The following MAP2 variants were observed in gnomAD, a reference collection of about 807,000 sequenced individuals.
MAP2 encodes the protein microtubule-associated protein 2.
Under a neutral mutation model 137.6 loss-of-function variants are expected in MAP2, and 14 were observed. The observed-to-expected ratio is 0.10, with a 90% confidence interval of 0.07 to 0.16. MAP2 has a LOEUF of 0.16. MAP2 is among the 10% of genes least tolerant of loss of function. The pLI, the probability that MAP2 is intolerant of heterozygous loss-of-function variation, is 1.00. For missense variants in MAP2, 2,088 were observed against 2,191.5 expected, an observed-to-expected ratio of 0.95 and a Z score of 0.94; for synonymous variants, 786 against 782.3, an observed-to-expected ratio of 1.00 and a Z score of -0.08.
chr2:209,584,481 A>G (rs910250727), intron 3 of MAP2, among the ~76,000 whole-genome samples: 3 of 152,140 alleles, frequency 2.0e-5, no homozygotes, highest in African/African-American at 7.2e-5. Flanking sequence ...AAATTAGAAA[A>G]TTTCATTCAG....
intron 1 of MAP2, among the ~76,000 whole-genome samples, chr2:209,444,210 A>G (rs1698496155): frequency 1.3e-5 from 2 of 151,538 alleles, no homozygotes; most frequent in Admixed American, 1.3e-4. Context: ...TCTCAAGTTA[A>G]TGCAGGAAAT....
At chr2:209,505,761 C>T (rs1302790314) in intron 1 of MAP2, among the ~76,000 whole-genome samples, 1 of 151,962 alleles carries the variant, frequency 6.6e-6, no homozygotes, top group African/African-American at 2.4e-5. Flanking sequence ...TGCTTGAGTT[C>T]AGGAGTTTGA....
intron 3 of MAP2, among the ~76,000 whole-genome samples, chr2:209,609,783 T>TTA (rs1340220703): frequency 1.3e-5 from 2 of 152,222 alleles, no homozygotes; most frequent in African/African-American, 4.8e-5. Context: ...CTGTGGTTAT[T>TTA]TAGTCCAGTA....
In MAP2 at chr2:209,729,980, G is replaced by A. The variant is rs1315795760; in HGVS notation, c.5268+18G>A. 2.0e-6 allele frequency: 3 copies of A among 1,490,588 alleles called. No homozygotes were observed. The highest frequency in any genetic ancestry group is 4.7e-5 in the East Asian group (2 of 42,944). The allele number at this position is 1,490,588 out of a possible 1,614,324, so 92.3% of individuals were successfully genotyped here. On this transcript the variant is annotated intron_variant, in intron 15 of 15. Transcript: ENST00000682079. ...ATGTCAAGGTAAGAAACAAGGTTAT[G>A]AGCCAATCTTGTCTTTTTAAAAAAA...
In MAP2 at chr2:209,517,620, C is replaced by T. The variant is rs556805148; in HGVS notation, c.-172+9979C>T. On this transcript the variant is annotated intron_variant, in intron 2 of 15. Transcript: ENST00000682079. ...GCCCACATTATTGTAGTTTTTGATACGTATCTCTTTATTTCATCATTTTGA... is the reference window on the plus strand; with the variant it reads ...GCCCACATTATTGTAGTTTTTGATATGTATCTCTTTATTTCATCATTTTGA... Among the ~76,000 whole-genome samples the T allele has an allele frequency of 5.1e-4, 77 of 151,970 alleles. 4 individuals are homozygous for T. The South Asian group carries it at 0.015, about 30-fold the overall frequency.
At chr2:209,684,803 GC>G (rs2056357452) in intron 7 of MAP2, 1 of 152,124 alleles carries the variant, frequency 6.6e-6, no homozygotes, top group East Asian at 1.9e-4. Context: ...CCAGAAGCAT[GC>G]CCACTTCTAG....
chr2:209,705,972 C>T (rs1024156626), intron 12 of MAP2, among the ~76,000 whole-genome samples: 7 of 152,016 alleles, frequency 4.6e-5, no homozygotes, highest in Non-Finnish European at 1.0e-4. Context: ...AGTTATTTCT[C>T]TAAGAATATA....
chr2:209,729,993 C>CTT (rs11389149), intron 15 of MAP2, 31 bp downstream of exon 15: 5 of 1,431,562 alleles, frequency 3.5e-6, no homozygotes, highest in Admixed American at 1.8e-5. Context: ...CCAATCTTGT[C>CTT]TTTTTAAAAA....
chr2:209,657,042 T>C (rs2041276059), intron 5 of MAP2, among the ~76,000 whole-genome samples: 1 of 152,228 alleles, frequency 6.6e-6, no homozygotes, highest in Admixed American at 6.5e-5. Flanking sequence ...GATTTTCTCT[T>C]TCTGAGTTAT....
rs764202864 is a variant in MAP2, at chr2:209,694,565, G to T, written c.2395G>T (p.Gly799Cys). ...CCTAGCCAAAGATTTTTACAAAAAT[G>T]GTACTGTCATGGCACCTGACCTTCC... ...PFLAKDFYKNGTVMAPDLPEM... is the reference protein window; with the variant it reads ...PFLAKDFYKNCTVMAPDLPEM... The change falls in exon 8 of 16, where the codon GGT (glycine) becomes TGT (cysteine). Residue 799 changes from glycine to cysteine, a missense_variant. Coordinates refer to ENST00000682079, the MANE Select transcript of MAP2 (RefSeq NM_001375505.1). The T allele has an allele frequency of 6.2e-7, 1 of 1,613,974 alleles. No homozygotes were observed. Among genetic ancestry groups the T allele is most frequent in the Non-Finnish European group, 8.5e-7 (1 of 1,179,932 alleles).
intron 3 of MAP2, among the ~76,000 whole-genome samples, chr2:209,621,149 C>A (rs372083516): frequency 1.3e-5 from 2 of 149,964 alleles, no homozygotes; most frequent in South Asian, 4.4e-4. Context: ...GAGCCGAGAT[C>A]ACGCCATTGC....
chr2:209,566,726 T>C (rs889990812), intron 2 of MAP2, among the ~76,000 whole-genome samples: 4 of 152,210 alleles, frequency 2.6e-5, no homozygotes, highest in Admixed American at 2.6e-4. Context: ...TTTGTTGTTG[T>C]TGTTGTTCTT....
At chr2:209,627,703 G>T (rs1490062391) in intron 4 of MAP2, among the ~76,000 whole-genome samples, 2 of 152,118 alleles carry the variant, frequency 1.3e-5, no homozygotes, top group Non-Finnish European at 2.9e-5. Flanking sequence ...TTTTATGTGA[G>T]TTGAGGTCCA....
chr2:209,468,212 G>A (rs944109380), intron 1 of MAP2, among the ~76,000 whole-genome samples: 2 of 151,098 alleles, frequency 1.3e-5, no homozygotes, highest in African/African-American at 2.4e-5. Flanking sequence ...TAAAATTTGG[G>A]CCAGTTTTAT....
chr2:209,658,695 C>T (rs1450618376), intron 5 of MAP2, among the ~76,000 whole-genome samples: 3 of 151,648 alleles, frequency 2.0e-5, no homozygotes, highest in African/African-American at 4.8e-5. Context: ...TTAGTAGAGA[C>T]GGGGTTTCAC....
intron 2 of MAP2, among the ~76,000 whole-genome samples, chr2:209,540,925 C>T (rs2066912647): frequency 6.6e-6 from 1 of 150,880 alleles, no homozygotes; most frequent in Non-Finnish European, 1.5e-5. Context: ...TTTTCCAGTG[C>T]ATACAATAGT....
chr2:209,689,522 A>AT (rs200324926), intron 7 of MAP2, among the ~76,000 whole-genome samples: 2,013 of 152,234 alleles, frequency 0.013, 49 homozygotes, highest in African/African-American at 0.045. Flanking sequence ...GAATTTACTT[A>AT]TTTTTACTGA....
intron 4 of MAP2, among the ~76,000 whole-genome samples, chr2:209,626,777 C>T (rs984368050): frequency 1.3e-5 from 2 of 152,170 alleles, no homozygotes; most frequent in Non-Finnish European, 2.9e-5. Flanking sequence ...ATCTGGTTGA[C>T]ACCTTCTGTT....
chr2:209,437,823 T>C (rs1450204062), intron 1 of MAP2, among the ~76,000 whole-genome samples: 1 of 151,674 alleles, frequency 6.6e-6, no homozygotes, highest in Non-Finnish European at 1.5e-5. Flanking sequence ...TGTCAGATAG[T>C]TAGTGGTTTG....
Sources: gnomAD v4.1 joint callset for allele counts (sites outside exome capture counted in the v4.1 genomes callset) on GRCh38, gnomAD v4.1.1 for gene constraint, MANE v1.5 for transcripts, NCBI Gene and HGNC (gene_info 2026-07-23, HGNC 2026-07-21) for gene names.